CAPZB: variants seen among roughly 807,000 people sequenced by gnomAD.
CAPZB encodes capping actin protein of muscle Z-line subunit beta.
A neutral mutation model predicts 38.1 loss-of-function variants in CAPZB; 2 were observed. The observed-to-expected ratio is 0.05, with a 90% confidence interval of 0.02 to 0.17. The LOEUF (loss-of-function observed/expected upper bound fraction) is 0.17. CAPZB is among the 10% of genes least tolerant of loss of function. CAPZB has a pLI of 1.00. For missense variants in CAPZB, 161 were observed against 334.2 expected (o/e 0.48, Z 4.04); for synonymous variants, 107 against 127.4 (o/e 0.84, Z 1.08).
intron 1 of CAPZB, among the ~76,000 whole-genome samples, chr1:19,442,747 G>C (rs9651016): frequency 0.23 from 35,523 of 152,052 alleles, 4,505 homozygotes; most frequent in Non-Finnish European, 0.28. Flanking sequence ...AAAACCCTTT[G>C]GCTTGGACAG....
Position 19,432,450 on chromosome 1 carries a change from T to C in CAPZB, c.4-12700A>G, listed in dbSNP as rs571610458. Among the ~76,000 whole-genome samples the C allele has an allele frequency of 7.2e-5, 11 of 152,168 alleles. No individual in the cohort carries two copies. The South Asian group carries it at 2.3e-3, about 32-fold the overall frequency. On this transcript the variant is annotated intron_variant, in intron 1 of 8. Transcript: ENST00000264202. The stretch of plus-strand genomic sequence containing the variant: ...AGGTGAGACCCTCTCTCAAAAAAAA[T>C]TTGAAAAAAAGAATACTTATATATT...
At position 19,469,741 on chromosome 1, in the gene CAPZB, T is replaced by TATAC. The variant is rs369308849; in HGVS notation, c.3+15694_3+15695insGTAT. On this transcript the variant is annotated intron_variant, in intron 1 of 8. Coordinates refer to ENST00000264202, the MANE Select transcript of CAPZB (RefSeq NM_004930.5). ...AAGATACTCAAAAGGAGGAAAAGAA[T>TATAC]ACACACACACACACACACACACACA... Among the ~76,000 whole-genome samples the TATAC allele has an allele frequency of 3.1e-3, 424 of 136,718 alleles. 2 individuals are homozygous for TATAC. Among genetic ancestry groups the TATAC allele is most frequent in the African/African-American group, 0.011 (387 of 36,154 alleles). 89.7% of individuals were successfully genotyped at this position (136,718 alleles called of 152,430 possible).
intron 1 of CAPZB, among the ~76,000 whole-genome samples, chr1:19,442,887 C>T (rs921982853): frequency 2.0e-5 from 3 of 152,140 alleles, no homozygotes; most frequent in African/African-American, 4.8e-5. Context: ...CACAAATACA[C>T]CTCCTCTGTG....
chr1:19,398,371 G>A (rs985711392), intron 2 of CAPZB, among the ~76,000 whole-genome samples: 1 of 152,206 alleles, frequency 6.6e-6, no homozygotes, highest in South Asian at 2.1e-4. Context: ...CGGAGCCACT[G>A]AGTCAGAGGG....
In CAPZB at chr1:19,403,579, A is replaced by T. The variant is rs1474942008; in HGVS notation, c.93+16082T>A. ...GTGTTCTCCGGGCTTGATCCCGACA[A>T]TGTGGAGTCATTAAGGGACATTATC... On this transcript the variant is annotated intron_variant, in intron 2 of 8. Coordinates refer to ENST00000264202, the MANE Select transcript of CAPZB (RefSeq NM_004930.5). Among the ~76,000 whole-genome samples, 3 of 152,348 alleles carry T rather than the reference A, an allele frequency of 2.0e-5. No homozygotes were observed. The East Asian group carries it at 5.8e-4, about 29-fold the overall frequency.
At chr1:19,360,006 C>T (rs1039007086) in intron 4 of CAPZB, among the ~76,000 whole-genome samples, 6 of 152,164 alleles carry the variant, frequency 3.9e-5, no homozygotes, top group Non-Finnish European at 7.4e-5. Flanking sequence ...TGGTCTGGAC[C>T]GGGCCCACAC....
At chr1:19,441,473 G>A (rs1471941929) in intron 1 of CAPZB, among the ~76,000 whole-genome samples, 1 of 152,164 alleles carries the variant, frequency 6.6e-6, no homozygotes, top group Non-Finnish European at 1.5e-5. Flanking sequence ...GGCCTCAGGG[G>A]AGTGAGGTAT....
Position 19,353,256 on chromosome 1 carries a change from C to G in CAPZB, c.588+3379G>C, listed in dbSNP as rs2094001646. Among the ~76,000 whole-genome samples, 2 of 152,134 alleles carry G rather than the reference C, an allele frequency of 1.3e-5. 1 individual carries two copies. The highest frequency in any genetic ancestry group is 4.8e-5 in the African/African-American group (2 of 41,412). On this transcript the variant is annotated intron_variant, in intron 6 of 8. Transcript: ENST00000264202. ...GGGAGACAGCTCCAAAACCAAGCAG[C>G]CTTCCTTCCTGACACACGTGGGGCA...
At chr1:19,461,786 A>G (rs1300053357) in intron 1 of CAPZB, among the ~76,000 whole-genome samples, 2 of 152,224 alleles carry the variant, frequency 1.3e-5, no homozygotes, top group Non-Finnish European at 2.9e-5. Flanking sequence ...CAGAAACATC[A>G]TAACAGGCGA....
At chr1:19,401,148 T>G (rs573408118) in intron 2 of CAPZB, among the ~76,000 whole-genome samples, 4 of 151,440 alleles carry the variant, frequency 2.6e-5, no homozygotes, top group Non-Finnish European at 5.9e-5. Context: ...GAGAGCATTT[T>G]CACAAGCAAT....
chr1:19,378,735 T>C, intron 3 of CAPZB, 82 bp from the exon 4 acceptor site: 1 of 769,586 alleles, frequency 1.3e-6, no homozygotes, highest in Non-Finnish European at 2.2e-6. Flanking sequence ...GAGCCCTGGC[T>C]ATCTGAAATC....
chr1:19,431,125 A>G (rs1254459869), intron 1 of CAPZB, among the ~76,000 whole-genome samples: 1 of 152,226 alleles, frequency 6.6e-6, no homozygotes, highest in Non-Finnish European at 1.5e-5. Context: ...CAAATGAACC[A>G]TGACCAGAAA....
intron 1 of CAPZB, among the ~76,000 whole-genome samples, chr1:19,474,520 C>T (rs2094600242): frequency 6.6e-6 from 1 of 152,142 alleles, no homozygotes; most frequent in South Asian, 2.1e-4. Flanking sequence ...ATTCCTTTAT[C>T]TTGCCCCCTT....
chr1:19,376,533 G>A (rs562140614), intron 4 of CAPZB, among the ~76,000 whole-genome samples: 6 of 152,344 alleles, frequency 3.9e-5, no homozygotes, highest in African/African-American at 1.4e-4. Context: ...TTAGACAGGT[G>A]AGTTTGCCCC....
At chr1:19,469,751 C>T (rs1019540048) in intron 1 of CAPZB, among the ~76,000 whole-genome samples, 6 of 137,726 alleles carry the variant, frequency 4.4e-5, no homozygotes, top group African/African-American at 1.4e-4. Context: ...TACACACACA[C>T]ACACACACAC....
chr1:19,354,980 T>C (rs1487620014), intron 6 of CAPZB, among the ~76,000 whole-genome samples: 1 of 152,024 alleles, frequency 6.6e-6, no homozygotes, highest in Admixed American at 6.6e-5. Context: ...CACTAGTGAG[T>C]AGTCCTGGGA....
intron 6 of CAPZB, among the ~76,000 whole-genome samples, chr1:19,347,666 C>T (rs998907459): frequency 6.6e-6 from 1 of 152,198 alleles, no homozygotes; most frequent in African/African-American, 2.4e-5. Context: ...GAACGACCAG[C>T]TTCCTATCGA....
At chr1:19,483,639 G>C (rs1200045396) in intron 1 of CAPZB, among the ~76,000 whole-genome samples, 1 of 152,172 alleles carries the variant, frequency 6.6e-6, no homozygotes, top group Non-Finnish European at 1.5e-5. Flanking sequence ...GCTGCTTCCT[G>C]CCTTATACTT....
At chr1:19,442,344 G>A (rs576503414) in intron 1 of CAPZB, among the ~76,000 whole-genome samples, 1 of 152,098 alleles carries the variant, frequency 6.6e-6, no homozygotes, top group South Asian at 2.1e-4. Flanking sequence ...GCTGGGGAGT[G>A]GGGGGGCGTG....
Sources: allele counts gnomAD v4.1 joint callset (sites outside exome capture counted in the v4.1 genomes callset), GRCh38; gene constraint gnomAD v4.1.1; transcripts MANE v1.5; gene names NCBI Gene and HGNC (gene_info 2026-07-23, HGNC 2026-07-21).